SLC24A2: variants seen among roughly 807,000 people sequenced by gnomAD.
The protein encoded by SLC24A2 is sodium/potassium/calcium exchanger 2.
In SLC24A2, 36 loss-of-function variants were observed where a neutral mutation model predicts 62.0. The observed-to-expected ratio is 0.58, with a 90% CI of 0.44 to 0.77. The LOEUF (loss-of-function observed/expected upper bound fraction) is 0.77. SLC24A2 is among the 30% of genes least tolerant of loss of function. The probability of loss-of-function intolerance (pLI) is 0.00; values close to 1 mark genes in which losing one functional copy is unlikely to be tolerated. For missense variants in SLC24A2, 846 were observed against 817.9 expected, an observed-to-expected ratio of 1.03 and a Z score of -0.42; for synonymous variants, 358 against 294.0, an observed-to-expected ratio of 1.22 and a Z score of -2.23.
At chr9:20,075,862 C>T in the SLC24A2 span, among the ~76,000 whole-genome samples, 4 of 152,248 alleles carry the variant, frequency 2.6e-5, no homozygotes, top group East Asian at 7.7e-4. Flanking sequence ...GGAATTGGTT[C>T]CAGGACCTCT....
rs1421630690 is a variant in SLC24A2 at position 19,632,277 on chromosome 9, G to T, written c.931-9978C>A. ...TGTCATTTTATCTATGCCTACCTGG[G>T]ATGTTACCATGTTATTCCCTCTTGC... On this transcript the variant is annotated intron_variant, in intron 2 of 10. Transcript: ENST00000341998. This position sits in a 1 kb window ranked among gnomAD's most constrained non-coding sequence, Gnocchi z 4.5. 2.0e-5 allele frequency among the ~76,000 whole-genome samples: 3 copies of T among 152,164 alleles called. No individual in the cohort carries two copies. Among genetic ancestry groups the T allele is most frequent in the Non-Finnish European group, 4.4e-5 (3 of 68,032 alleles).
At chr9:20,206,748 G>C in the SLC24A2 span, among the ~76,000 whole-genome samples, 3 of 151,872 alleles carry the variant, frequency 2.0e-5, no homozygotes, top group South Asian at 6.3e-4. Flanking sequence ...CAAAGTGCTG[G>C]GATTACAGGC....
the SLC24A2 span, among the ~76,000 whole-genome samples, chr9:20,065,170 C>G: frequency 3.9e-5 from 6 of 152,184 alleles, no homozygotes; most frequent in Admixed American, 3.9e-4. Flanking sequence ...CAGAAAAGGA[C>G]AGATTGGGCA....
chr9:20,039,306 G>A, the SLC24A2 span, among the ~76,000 whole-genome samples: 4 of 152,170 alleles, frequency 2.6e-5, no homozygotes, highest in East Asian at 3.9e-4. Context: ...GTGTACTGCA[G>A]GGGAGTGGGG....
the SLC24A2 span, among the ~76,000 whole-genome samples, chr9:19,916,990 T>TTC: frequency 6.8e-6 from 1 of 147,792 alleles, no homozygotes; most frequent in Non-Finnish European, 1.5e-5. Context: ...TGTTTTTTTT[T>TTC]TTTTTTTTTT....
chr9:19,795,260 G>C, the SLC24A2 span, among the ~76,000 whole-genome samples: 1 of 151,900 alleles, frequency 6.6e-6, no homozygotes, highest in Non-Finnish European at 1.5e-5. Context: ...TGTGTGAGCA[G>C]GCACCCCCCA....
At chr9:20,274,557 T>C in the SLC24A2 span, among the ~76,000 whole-genome samples, 1 of 152,110 alleles carries the variant, frequency 6.6e-6, no homozygotes, top group South Asian at 2.1e-4. Context: ...ACTGCGATAC[T>C]ACACTGTGGA....
chr9:20,306,198 C>T, the SLC24A2 span, among the ~76,000 whole-genome samples: 1 of 152,190 alleles, frequency 6.6e-6, no homozygotes, highest in African/African-American at 2.4e-5. Context: ...GAAGCTACCC[C>T]ATGTTGTGTT....
At chr9:20,298,425 C>T in the SLC24A2 span, among the ~76,000 whole-genome samples, 1 of 152,226 alleles carries the variant, frequency 6.6e-6, no homozygotes, top group African/African-American at 2.4e-5. Context: ...GACGGGGTTT[C>T]ATCACGTTGG....
chr9:19,729,935 G>C (rs538420262), intron 2 of SLC24A2, among the ~76,000 whole-genome samples: 3 of 152,140 alleles, frequency 2.0e-5, no homozygotes, highest in South Asian at 4.2e-4. Context: ...ACCCTGATCT[G>C]ATTACTATAC....
the SLC24A2 span, among the ~76,000 whole-genome samples, chr9:20,043,230 G>A: frequency 3.9e-5 from 6 of 152,270 alleles, no homozygotes; most frequent in Admixed American, 2.6e-4. Flanking sequence ...AATTAAAAGT[G>A]CTACTCCAGT....
At chr9:20,056,906 A>G in the SLC24A2 span, among the ~76,000 whole-genome samples, 3 of 152,198 alleles carry the variant, frequency 2.0e-5, no homozygotes, top group Admixed American at 6.5e-5. Context: ...TCTTTACACC[A>G]TTGCATTCTC....
At chr9:20,269,456 T>C in the SLC24A2 span, among the ~76,000 whole-genome samples, 1 of 152,186 alleles carries the variant, frequency 6.6e-6, no homozygotes, top group Non-Finnish European at 1.5e-5. Flanking sequence ...CATTTCTCTG[T>C]TCTCAGCAAG....
the SLC24A2 span, among the ~76,000 whole-genome samples, chr9:19,816,211 TC>T: frequency 6.6e-6 from 1 of 152,082 alleles, no homozygotes; most frequent in Non-Finnish European, 1.5e-5. Flanking sequence ...GTGGCTTTCC[TC>T]CACATGGTTA....
At chr9:19,899,210 C>A in the SLC24A2 span, among the ~76,000 whole-genome samples, 1 of 152,178 alleles carries the variant, frequency 6.6e-6, no homozygotes, top group South Asian at 2.1e-4. Context: ...ATGCTCTTGC[C>A]GCAAGGGAGA....
chr9:19,673,075 T>G (rs1181103184), intron 2 of SLC24A2, among the ~76,000 whole-genome samples: 1 of 146,470 alleles, frequency 6.8e-6, no homozygotes, highest in African/African-American at 2.7e-5. Flanking sequence ...ATAGTTTAAA[T>G]CCATTGTTTC....
intron 7 of SLC24A2, among the ~76,000 whole-genome samples, chr9:19,559,693 T>C (rs537144712): frequency 9.2e-5 from 14 of 152,198 alleles, no homozygotes; most frequent in Admixed American, 8.5e-4. Context: ...TAGAACACTC[T>C]CCATTTTGTA....
chr9:20,226,980 A>C, the SLC24A2 span, among the ~76,000 whole-genome samples: 1 of 152,220 alleles, frequency 6.6e-6, no homozygotes, highest in East Asian at 1.9e-4. Context: ...AAACTTGAAT[A>C]GCTGTCTTCC....
intron 2 of SLC24A2, among the ~76,000 whole-genome samples, chr9:19,661,811 A>C (rs1448987666): frequency 6.6e-6 from 1 of 152,226 alleles, no homozygotes; most frequent in East Asian, 1.9e-4. Flanking sequence ...AATAATGGGC[A>C]AGTCTGTCTA....
Sources: allele counts gnomAD v4.1 joint callset (sites outside exome capture counted in the v4.1 genomes callset), GRCh38; gene constraint gnomAD v4.1.1; non-coding constraint Gnocchi (gnomAD v3.1); transcripts MANE v1.5; gene names NCBI Gene and HGNC (gene_info 2026-07-23, HGNC 2026-07-21).